The following TICAM1 variants were observed in gnomAD, a reference collection of about 807,000 sequenced individuals.
TICAM1 encodes TIR domain containing adaptor molecule 1, also known as TIR domain-containing adapter molecule 1.
For missense variants in TICAM1, 895 were observed against 938.2 expected (o/e 0.95, Z 0.60); for synonymous variants, 439 against 415.4 (o/e 1.06, Z -0.69).
rs2093586653 is a variant in TICAM1 at position 4,816,875 on chromosome 19, G to A, written c.1503C>T (p.Ser501=). The A allele has an allele frequency of 1.2e-6, 2 of 1,612,614 alleles. No homozygotes were observed. Among genetic ancestry groups the A allele is most frequent in the Admixed American group, 1.7e-5 (1 of 59,990 alleles). ...GCCCGGAGAGCAGGCTGGCCGTGTC[G>A]GAGCTGAGCTGGGCCGGGGAGCTCT... ...PLESSPAQLS[S]DTASLLSGLV... Residue 501 remains serine (S), a synonymous_variant, in exon 2 of 2, where the codon TCC becomes TCT. Transcript: ENST00000248244. The surrounding 1 kb of genome is among the most constrained non-coding windows in gnomAD (Gnocchi z 4.3).
At chr19:4,826,788 A>C (rs934832055) in intron 1 of TICAM1, among the ~76,000 whole-genome samples, 8 of 152,072 alleles carry the variant, frequency 5.3e-5, no homozygotes, top group Non-Finnish European at 1.0e-4. Context: ...GCTGGATTGG[A>C]ACCCAGGCTG....
chr19:4,816,988 G>C lies in TICAM1; in HGVS notation c.1390C>G (p.Leu464Val). ...LLLTSNFDCR[L>V]SLHQVNQAMM... ...GCTTGGTTCACCTGGTGCAGGCTCAGGCGACAGTCGAAGTTGGAGGTGAGA... is the reference window on the plus strand; with the variant it reads ...GCTTGGTTCACCTGGTGCAGGCTCACGCGACAGTCGAAGTTGGAGGTGAGA... Residue 464 changes from leucine to valine, a missense_variant, in exon 2 of 2, where the codon CTG becomes GTG. Coordinates refer to ENST00000248244, the MANE Select transcript of TICAM1 (RefSeq NM_182919.4). This position sits in a 1 kb window ranked among gnomAD's most constrained non-coding sequence, Gnocchi z 4.3. 1 of 1,614,140 alleles carries C rather than the reference G, an allele frequency of 6.2e-7. No individual in the cohort carries two copies. Among genetic ancestry groups the C allele is most frequent in the East Asian group, 2.2e-5 (1 of 44,864 alleles).
At chr19:4,823,146 C>A (rs1208580118) in intron 1 of TICAM1, among the ~76,000 whole-genome samples, 1 of 151,632 alleles carries the variant, frequency 6.6e-6, no homozygotes, top group African/African-American at 2.4e-5. Flanking sequence ...ATGGTGAAAT[C>A]CCGTCTTCAC....
At chr19:4,825,881 C>T (rs534725348) in intron 1 of TICAM1, among the ~76,000 whole-genome samples, 2 of 152,118 alleles carry the variant, frequency 1.3e-5, no homozygotes, top group South Asian at 2.1e-4. Context: ...ATCGCTTGAA[C>T]CGAGGAGGCA....
At chr19:4,826,578 G>A (rs4806999) in intron 1 of TICAM1, among the ~76,000 whole-genome samples, 1 of 152,136 alleles carries the variant, frequency 6.6e-6, no homozygotes, top group Non-Finnish European at 1.5e-5. Context: ...GCCAGCCTCG[G>A]CCTCCCAAAG....
At position 4,815,967 on chromosome 19, in the gene TICAM1, G is replaced by T. The variant is rs1365729327; in HGVS notation, c.*272C>A. 1 of 354,600 alleles carries T rather than the reference G, an allele frequency of 2.8e-6. No homozygotes were observed. Among genetic ancestry groups the T allele is most frequent in the Non-Finnish European group, 5.0e-6 (1 of 200,564 alleles). The allele number at this position is 354,600 out of a possible 1,614,324, so 22.0% of individuals were successfully genotyped here. A position where few individuals can be genotyped will look rare whatever the true frequency, so the allele number is the denominator to read the frequency against. ...AAATATTTATTATAATTAAAAGACCGTAGCAATACCCCCACCACCAAGACC... is the reference window on the plus strand; with the variant it reads ...AAATATTTATTATAATTAAAAGACCTTAGCAATACCCCCACCACCAAGACC... On this transcript the variant is annotated 3_prime_UTR_variant, in exon 2 of 2. Coordinates refer to ENST00000248244, the MANE Select transcript of TICAM1 (RefSeq NM_182919.4).
Position 4,818,962 on chromosome 19 carries a change from T to C in TICAM1, c.-139-446A>G, listed in dbSNP as rs187306901. On this transcript the variant is annotated intron_variant, in intron 1 of 1. Transcript: ENST00000248244. This position sits in a 1 kb window ranked among gnomAD's most constrained non-coding sequence, Gnocchi z 4.0. ...CCGTTTCTACTAAAAATACAAAGAA[T>C]TAGCCAGGAGTGGTGGTGCATTCTT... 3.3e-5 allele frequency among the ~76,000 whole-genome samples: 5 copies of C among 152,008 alleles called. No individual in the cohort carries two copies. The East Asian group carries it at 5.8e-4, about 18-fold the overall frequency.
At chr19:4,829,730 T>A (rs2093611148) in intron 1 of TICAM1, among the ~76,000 whole-genome samples, 1 of 151,968 alleles carries the variant, frequency 6.6e-6, no homozygotes, top group Non-Finnish European at 1.5e-5. Context: ...ATAATATTAG[T>A]GTGACAATAA....
chr19:4,819,145 G>A (rs1167977748), intron 1 of TICAM1, among the ~76,000 whole-genome samples: 2 of 151,662 alleles, frequency 1.3e-5, no homozygotes, highest in South Asian at 2.1e-4. Flanking sequence ...GTGGTGGCAC[G>A]TGCCTGTTGT....
intron 1 of TICAM1, among the ~76,000 whole-genome samples, chr19:4,829,435 G>A (rs1045322510): frequency 8.3e-6 from 1 of 120,310 alleles, no homozygotes; most frequent in Non-Finnish European, 1.6e-5. Flanking sequence ...CCACCTTCTC[G>A]AGACCCAGCA....
rs1247657654 is a variant in TICAM1 at position 4,829,811 on chromosome 19, T to TC, written c.-140+1802_-140+1803insG. ...TTGATTTTTAATTTCATTTCTTTTT[T>TC]TTTTTTTTTTTTTTTTTGACACAGA... is the stretch of plus-strand genomic sequence containing the variant. On this transcript the variant is annotated intron_variant, in intron 1 of 1. Coordinates refer to ENST00000248244, the MANE Select transcript of TICAM1 (RefSeq NM_182919.4). Among the ~76,000 whole-genome samples, 145 of 139,936 alleles carry TC rather than the reference T, an allele frequency of 1.0e-3. 2 individuals are homozygous for TC. Among genetic ancestry groups the TC allele is most frequent in the African/African-American group, 3.7e-3 (140 of 37,764 alleles). The allele number at this position is 139,936 out of a possible 152,430, so 91.8% of individuals were successfully genotyped here.
In TICAM1 at chr19:4,817,341, G is replaced by A; in HGVS notation, c.1037C>T (p.Thr346Ile). ...LSVEDTTSPN[T>I]KPCPPTPTTP... Reference sequence around the variant, plus strand: ...GGTGGGAGTAGGTGGGCACGGCTTGGTATTTGGAGAGGTGGTATCTTCTAC... The same window carrying A: ...GGTGGGAGTAGGTGGGCACGGCTTGATATTTGGAGAGGTGGTATCTTCTAC... The change falls in exon 2 of 2, where the codon ACC becomes ATC. Residue 346 changes from threonine to isoleucine, a missense_variant. Physicochemically the swap from Thr to Ile is moderately conservative, Grantham distance 89. Coordinates refer to ENST00000248244, the MANE Select transcript of TICAM1 (RefSeq NM_182919.4). The surrounding 1 kb of genome is among the most constrained non-coding windows in gnomAD (Gnocchi z 4.7). 1.9e-6 allele frequency: 3 copies of A among 1,613,910 alleles called. No homozygotes were observed. The highest frequency in any genetic ancestry group is 1.3e-5 in the African/African-American group (1 of 75,028).
chr19:4,827,626 C>T (rs1222201889), intron 1 of TICAM1, among the ~76,000 whole-genome samples: 1 of 151,310 alleles, frequency 6.6e-6, no homozygotes, highest in Non-Finnish European at 1.5e-5. Context: ...GGTGTGGTGG[C>T]GGGCACCTGT....
Position 4,817,445 on chromosome 19 carries a change from G to C in TICAM1, c.933C>G (p.Pro311=), listed in dbSNP as rs544903332. Residue 311 remains proline (P), a synonymous_variant, in exon 2 of 2, where the codon CCC becomes CCG. Coordinates refer to ENST00000248244, the MANE Select transcript of TICAM1 (RefSeq NM_182919.4). The surrounding 1 kb of genome is among the most constrained non-coding windows in gnomAD (Gnocchi z 4.7). ...PVECTEGSAG[P]QSLPLPILEP... is the part of the protein sequence containing the mutation. ...CCAGAATAGGCAAGGGGAGAGACTG[G>C]GGGCCTGCAGACCCCTCGGTGCACT... is the stretch of plus-strand genomic sequence containing the variant. The C allele has an allele frequency of 3.5e-5, 56 of 1,614,116 alleles. 1 individual carries two copies. The South Asian group carries it at 5.5e-4, about 16-fold the overall frequency.
chr19:4,818,180 G>A lies in TICAM1; in HGVS notation c.198C>T (p.Ala66=), dbSNP rs371101914. The change falls in exon 2 of 2, where the codon GCC becomes GCT. Residue 66 remains alanine (A), a synonymous_variant. Transcript: ENST00000248244. The surrounding 1 kb of genome is among the most constrained non-coding windows in gnomAD (Gnocchi z 4.0). ...EARISLEALK[A]DAVARLVARQ... ...GGGCCACCAGCCGGGCCACCGCATC[G>A]GCCTTCAATGCCTCTAGAGAGATCC... The A allele has an allele frequency of 3.0e-5, 48 of 1,610,972 alleles. No individual in the cohort carries two copies. The African/African-American group carries it at 3.3e-4, about 11-fold the overall frequency.
chr19:4,823,382 G>A (rs972553792), intron 1 of TICAM1, among the ~76,000 whole-genome samples: 2 of 150,624 alleles, frequency 1.3e-5, no homozygotes, highest in East Asian at 1.9e-4. Context: ...GGAGAATGGC[G>A]TGAACCTGGG....
rs761523820 is a variant in TICAM1 at position 4,816,519 on chromosome 19, G to C, written c.1859C>G (p.Pro620Arg). The C allele has an allele frequency of 1.3e-6, 2 of 1,595,640 alleles. No homozygotes were observed. The highest frequency in any genetic ancestry group is 8.5e-7 in the Non-Finnish European group (1 of 1,171,938). Reference sequence around the variant, plus strand: ...CGGGCACCCCGGCCAAGTGGGAAAGGGTGGCGGGGCTCCCAGGGGCACCTG... The same window carrying C: ...CGGGCACCCCGGCCAAGTGGGAAAGCGTGGCGGGGCTCCCAGGGGCACCTG... ...GGQVPLGAPP[P>R]FPTWPGCPQP... Residue 620 changes from proline (P) to arginine (R), a missense_variant, in exon 2 of 2, where the codon CCC (proline) becomes CGC (arginine). By Grantham distance (103) the Pro-to-Arg change is moderately radical. Coordinates refer to ENST00000248244, the MANE Select transcript of TICAM1 (RefSeq NM_182919.4). The surrounding 1 kb of genome is among the most constrained non-coding windows in gnomAD (Gnocchi z 4.3).
chr19:4,824,973 T>C (rs1239320383), intron 1 of TICAM1, among the ~76,000 whole-genome samples: 2 of 149,140 alleles, frequency 1.3e-5, no homozygotes, highest in Admixed American at 1.3e-4. Flanking sequence ...TGCTTAAGGG[T>C]GGTGGTGAGG....
At chr19:4,828,974 A>G (rs2093609885) in intron 1 of TICAM1, among the ~76,000 whole-genome samples, 1 of 151,978 alleles carries the variant, frequency 6.6e-6, no homozygotes, top group African/African-American at 2.4e-5. Context: ...TTCTGGGATT[A>G]CAGGCGTTAG....
Sources: allele counts gnomAD v4.1 joint callset (sites outside exome capture counted in the v4.1 genomes callset), GRCh38; gene constraint gnomAD v4.1.1; non-coding constraint Gnocchi (gnomAD v3.1); transcripts MANE v1.5; gene names NCBI Gene and HGNC (gene_info 2026-07-23, HGNC 2026-07-21).